Variants in BIRC6 observed in about 807,000 individuals in gnomAD.
BIRC6 encodes baculoviral IAP repeat containing 6, also known as dual E2 ubiquitin-conjugating enzyme/E3 ubiquitin-protein ligase BIRC6.
In BIRC6, 98 loss-of-function variants were observed where a neutral mutation model predicts 503.3. The observed-to-expected ratio is 0.19, with a 90% CI of 0.17 to 0.23. The LOEUF is 0.23. Ranked by LOEUF, BIRC6 falls within the 10% of genes least tolerant of loss-of-function variation. BIRC6 has a pLI of 1.00. For missense variants in BIRC6, 5,360 were observed against 5,806.0 expected (o/e 0.92, Z 2.50); for synonymous variants, 2,240 against 2,078.7 (o/e 1.08, Z -2.11).
intron 10 of BIRC6, among the ~76,000 whole-genome samples, chr2:32,417,485 G>A (rs2042501024): frequency 6.6e-6 from 1 of 152,058 alleles, no homozygotes; most frequent in East Asian, 1.9e-4. Context: ...GGGAGATAAA[G>A]CAGTTTTTGA....
chr2:32,605,588 G>A (rs2062394271), intron 71 of BIRC6, among the ~76,000 whole-genome samples: 1 of 152,170 alleles, frequency 6.6e-6, no homozygotes, highest in Non-Finnish European at 1.5e-5. Flanking sequence ...GTCTGGCCGG[G>A]CGAGGTGACT....
At chr2:32,363,146 C>G (rs529094469) in intron 1 of BIRC6, among the ~76,000 whole-genome samples, 2 of 151,982 alleles carry the variant, frequency 1.3e-5, no homozygotes, top group African/African-American at 2.4e-5. Flanking sequence ...GCCTAGGCAA[C>G]ATAGTGAGAC....
rs763316462 is a variant in BIRC6 at position 32,388,862 on chromosome 2, C to T, written c.758C>T (p.Ser253Phe). The change falls in exon 4 of 74, where the codon TCC becomes TTC. Residue 253 changes from serine (S) to phenylalanine (F), a missense_variant. Ser to Phe is a radical substitution (Grantham distance 155). This residue lies in a region of BIRC6 where 134 missense variants were observed against 150.9 expected (regional missense o/e 0.89). Coordinates refer to ENST00000421745, the MANE Select transcript of BIRC6 (RefSeq NM_016252.4). ...AATGTTGCTGCCTTACCTGTGGCGT[C>T]CTCAGTGATGGACAGATTGTCTTAC... is the stretch of plus-strand genomic sequence containing the variant. Reference protein sequence around the residue: ...NQNVAALPVASSVMDRLSYLL... With the variant: ...NQNVAALPVAFSVMDRLSYLL... The T allele has an allele frequency of 1.2e-6, 2 of 1,613,406 alleles. No individual in the cohort carries two copies. Among genetic ancestry groups the T allele is most frequent in the Non-Finnish European group, 1.7e-6 (2 of 1,179,722 alleles).
chr2:32,436,146 C>T lies in BIRC6; in HGVS notation c.3593C>T (p.Ala1198Val), dbSNP rs149238164. The part of the protein sequence containing the change: ...LASGLDLSGH[A>V]GMLTLTSPKL... ...AGTGGCCTTGATCTATCAGGGCATG[C>T]TGGAATGTTGACGTTAACAAGCCCC... Residue 1198 changes from alanine (A) to valine (V), a missense_variant, in exon 15 of 74, where the codon GCT becomes GTT. Physicochemically the swap from Ala to Val is moderately conservative, Grantham distance 64. Coordinates refer to ENST00000421745, the MANE Select transcript of BIRC6 (RefSeq NM_016252.4). The T allele has an allele frequency of 5.4e-6, 8 of 1,475,274 alleles. No individual in the cohort carries two copies. The highest frequency in any genetic ancestry group is 7.3e-6 in the Non-Finnish European group (8 of 1,096,452). The allele number at this position is 1,475,274 out of a possible 1,614,324, so 91.4% of individuals were successfully genotyped here.
chr2:32,532,072 G>A (rs768614318), intron 61 of BIRC6: 13 of 525,140 alleles, frequency 2.5e-5, no homozygotes, highest in Non-Finnish European at 4.6e-5. Context: ...ATGGAGAGTT[G>A]TAAAAACAAA....
intron 5 of BIRC6, among the ~76,000 whole-genome samples, chr2:32,394,851 C>G (rs2039679649): frequency 6.6e-6 from 1 of 151,834 alleles, no homozygotes; most frequent in South Asian, 2.1e-4. Flanking sequence ...GACTCTGTCT[C>G]TTTAAAAAAA....
At chr2:32,358,061 T>C (rs1434376509) in intron 1 of BIRC6, among the ~76,000 whole-genome samples, 1 of 4,700 alleles carries the variant, frequency 2.1e-4, no homozygotes. Flanking sequence ...GGGTGGGTCG[T>C]GGTGGGGGTG....
intron 10 of BIRC6, among the ~76,000 whole-genome samples, chr2:32,418,905 G>A (rs1044243163): frequency 8.5e-5 from 13 of 152,138 alleles, no homozygotes; most frequent in African/African-American, 2.9e-4. Context: ...CTGAGATCGC[G>A]TCACTTCACT....
Position 32,464,579 on chromosome 2 carries a change from C to G in BIRC6, c.5012C>G (p.Pro1671Arg). 6.2e-7 allele frequency: 1 copy of G among 1,611,398 alleles called. No individual in the cohort carries two copies. Among genetic ancestry groups the G allele is most frequent in the Non-Finnish European group, 8.5e-7 (1 of 1,178,446 alleles). ...GCTGCAGCAGCATCAGCAGTAGGTC[C>G]TGTTCACAACTCTGTGCCTTCCAAC... ...AAAAAASAVGPVHNSVPSNPV... is the reference protein window; with the variant it reads ...AAAAAASAVGRVHNSVPSNPV... Residue 1671 changes from proline (P) to arginine (R), a missense_variant, in exon 25 of 74, where the codon CCT becomes CGT. Physicochemically the swap from Pro to Arg is moderately radical, Grantham distance 103. This residue lies in a region of BIRC6 where 2,299 missense variants were observed against 2,267.2 expected (regional missense o/e 1.01). Coordinates refer to ENST00000421745, the MANE Select transcript of BIRC6 (RefSeq NM_016252.4).
chr2:32,590,072 A>G (rs188940801), intron 66 of BIRC6, among the ~76,000 whole-genome samples: 5 of 152,358 alleles, frequency 3.3e-5, no homozygotes, highest in African/African-American at 7.2e-5. Context: ...AAACATTTAT[A>G]GTACGGAGAT....
intron 23 of BIRC6, among the ~76,000 whole-genome samples, chr2:32,461,869 C>A (rs144331288): frequency 6.6e-6 from 1 of 152,036 alleles, no homozygotes; most frequent in Non-Finnish European, 1.5e-5. Flanking sequence ...AAAAACTTTG[C>A]CTAGTTAGTA....
At chr2:32,509,486 C>G (rs772447215) in intron 51 of BIRC6, among the ~76,000 whole-genome samples, 1 of 152,138 alleles carries the variant, frequency 6.6e-6, no homozygotes, top group Non-Finnish European at 1.5e-5. Context: ...AACTCCTGAC[C>G]TTGTCATCCA....
chr2:32,369,946 ATAT>A (rs1237107833), intron 1 of BIRC6, among the ~76,000 whole-genome samples: 750 of 28,302 alleles, frequency 0.026, 13 homozygotes, highest in Non-Finnish European at 0.036. Context: ...AAAAAAAAAA[ATAT>A]ATATATATAT....
chr2:32,419,559 A>G (rs2042726652), intron 10 of BIRC6, among the ~76,000 whole-genome samples: 1 of 152,212 alleles, frequency 6.6e-6, no homozygotes, highest in African/African-American at 2.4e-5. Flanking sequence ...AAAGACTTAA[A>G]TGAGAAAGAA....
At chr2:32,517,761 T>C (rs2055212138) in intron 55 of BIRC6, among the ~76,000 whole-genome samples, 1 of 16,790 alleles carries the variant, frequency 6.0e-5, no homozygotes, top group Non-Finnish European at 1.1e-4. Context: ...GTTGGGGGAG[T>C]GGGTAGAGAC....
At chr2:32,550,467 C>T (rs1443206462) in intron 65 of BIRC6, among the ~76,000 whole-genome samples, 1 of 152,032 alleles carries the variant, frequency 6.6e-6, no homozygotes, top group South Asian at 2.1e-4. Context: ...TTTAGATTGA[C>T]CTGTTTGATA....
intron 15 of BIRC6, among the ~76,000 whole-genome samples, chr2:32,437,745 T>G (rs2044887715): frequency 6.6e-6 from 1 of 152,202 alleles, no homozygotes; most frequent in East Asian, 1.9e-4. Context: ...TTAGAGCATT[T>G]TGGATTTTCA....
At chr2:32,607,756 T>C (rs1212491715) in intron 72 of BIRC6, 113 bp downstream of exon 72, 4 of 789,088 alleles carry the variant, frequency 5.1e-6, no homozygotes, top group Non-Finnish European at 7.5e-6. Flanking sequence ...GGCAGGTGGA[T>C]CACTTCAGGT....
At chr2:32,444,049 T>A (rs1392367866) in intron 20 of BIRC6, among the ~76,000 whole-genome samples, 2 of 151,068 alleles carry the variant, frequency 1.3e-5, no homozygotes. Flanking sequence ...TTTTTTTTTT[T>A]AAAGCACCTG....
Sources: gnomAD v4.1 joint callset for allele counts (sites outside exome capture counted in the v4.1 genomes callset) on GRCh38, gnomAD v4.1.1 for gene constraint, gnomAD v4.1.1 regional missense constraint, MANE v1.5 for transcripts, NCBI Gene and HGNC (gene_info 2026-07-23, HGNC 2026-07-21) for gene names.